Variants in RUNX1 observed in about 807,000 individuals in gnomAD.
RUNX1 encodes runt-related transcription factor 1.
A neutral mutation model predicts 42.8 loss-of-function variants in RUNX1; 19 were observed. The observed-to-expected ratio is 0.44, with a 90% CI of 0.31 to 0.65. The LOEUF (loss-of-function observed/expected upper bound fraction) is 0.65. Ranked by LOEUF, RUNX1 falls within the 30% of genes least tolerant of loss-of-function variation. The probability of loss-of-function intolerance (pLI) is 0.07; values close to 1 mark genes in which losing one functional copy is unlikely to be tolerated. For missense variants in RUNX1, 528 were observed against 672.0 expected (o/e 0.79, Z 2.37); for synonymous variants, 271 against 289.4 (o/e 0.94, Z 0.64).
chr21:34,849,346 T>C (rs868569297), intron 6 of RUNX1, among the ~76,000 whole-genome samples: 2 of 39,270 alleles, frequency 5.1e-5, no homozygotes, highest in African/African-American at 8.6e-5. Context: ...ATATATTATA[T>C]ATAGTATATA....
At chr21:34,844,364 C>T (rs2057286657) in intron 6 of RUNX1, among the ~76,000 whole-genome samples, 1 of 152,144 alleles carries the variant, frequency 6.6e-6, no homozygotes, top group Non-Finnish European at 1.5e-5. Context: ...AGAAGAAGAT[C>T]CAGGAGGCGC....
rs540255476 is a variant in RUNX1, at chr21:35,046,925, T to C, written c.58+1917A>G. On this transcript the variant is annotated intron_variant, in intron 2 of 8. Coordinates refer to ENST00000675419, the MANE Select transcript of RUNX1 (RefSeq NM_001754.5). Reference sequence around the variant, plus strand: ...TGCCTCCGTGAAAGCTAACCGACCCTTGTTCCTAACCTAGCGCAGGTCAGC... The same window carrying C: ...TGCCTCCGTGAAAGCTAACCGACCCCTGTTCCTAACCTAGCGCAGGTCAGC... 2.0e-4 allele frequency among the ~76,000 whole-genome samples: 31 copies of C among 152,236 alleles called. 1 individual carries two copies. In the South Asian group the frequency reaches 6.4e-3, roughly 32 times the overall value.
chr21:34,908,606 C>T (rs898869155), intron 2 of RUNX1, among the ~76,000 whole-genome samples: 1 of 152,134 alleles, frequency 6.6e-6, no homozygotes, highest in African/African-American at 2.4e-5. Flanking sequence ...AATCTCCATT[C>T]TTGTGAAGGC....
At position 34,789,154 on chromosome 21, in the gene RUNX1, G is replaced by A. The variant is rs2056405254; in HGVS notation, c.*2981C>T. The stretch of plus-strand genomic sequence containing the variant: ...TTCTGCTGGAAGAAACCCATAAACA[G>A]GAGAAAGGCTGACAAACCATGTTCC... On this transcript the variant is annotated 3_prime_UTR_variant, in exon 9 of 9. Coordinates refer to ENST00000675419, the MANE Select transcript of RUNX1 (RefSeq NM_001754.5). 1 of 233,230 alleles carries A rather than the reference G, an allele frequency of 4.3e-6. No homozygotes were observed. Among genetic ancestry groups the A allele is most frequent in the African/African-American group, 2.2e-5 (1 of 45,338 alleles). The allele number at this position is 233,230 out of a possible 1,614,324, so 14.4% of individuals were successfully genotyped here. A position where few individuals can be genotyped will look rare whatever the true frequency, so the allele number is the denominator to read the frequency against.
At chr21:35,035,100 C>T (rs1370608798) in intron 2 of RUNX1, among the ~76,000 whole-genome samples, 2 of 152,130 alleles carry the variant, frequency 1.3e-5, no homozygotes, top group Non-Finnish European at 2.9e-5. Flanking sequence ...TGGGAAAGTC[C>T]AGTCAAATAG....
intron 2 of RUNX1, among the ~76,000 whole-genome samples, chr21:35,043,778 C>T (rs1412436941): frequency 6.6e-6 from 1 of 152,180 alleles, no homozygotes; most frequent in Non-Finnish European, 1.5e-5. Context: ...GCCTCCTCTG[C>T]TGCCTCCAAC....
intron 7 of RUNX1, among the ~76,000 whole-genome samples, chr21:34,827,468 C>T (rs771946850): frequency 1.3e-5 from 2 of 152,112 alleles, no homozygotes; most frequent in Non-Finnish European, 2.9e-5. Context: ...CAACCATTTG[C>T]CAAAGAGATT....
chr21:34,890,078 G>A (rs1569088219), intron 3 of RUNX1, among the ~76,000 whole-genome samples: 1 of 152,126 alleles, frequency 6.6e-6, no homozygotes, highest in Non-Finnish European at 1.5e-5. Flanking sequence ...GCCGCGCAGG[G>A]ACTGTCCCCG....
At chr21:34,795,553 TCAAA>T (rs745324412) in intron 8 of RUNX1, among the ~76,000 whole-genome samples, 1 of 152,192 alleles carries the variant, frequency 6.6e-6, no homozygotes, top group Non-Finnish European at 1.5e-5. Flanking sequence ...AGTCTGACTT[TCAAA>T]CAAACACTCC....
intron 7 of RUNX1, among the ~76,000 whole-genome samples, chr21:34,803,957 G>A (rs981417990): frequency 6.6e-6 from 1 of 152,166 alleles, no homozygotes; most frequent in East Asian, 1.9e-4. Flanking sequence ...AAAATTTAAA[G>A]AGCTTGAGAG....
intron 2 of RUNX1, among the ~76,000 whole-genome samples, chr21:34,909,890 C>T (rs1339382768): frequency 1.3e-5 from 2 of 152,086 alleles, no homozygotes; most frequent in Non-Finnish European, 1.5e-5. Flanking sequence ...TTCCTCTTTC[C>T]TTTCTTCTTC....
intron 2 of RUNX1, among the ~76,000 whole-genome samples, chr21:34,905,951 C>T (rs1465553333): frequency 2.0e-5 from 3 of 152,154 alleles, no homozygotes; most frequent in African/African-American, 7.2e-5. Context: ...AGTATGTATA[C>T]CTCACATAAC....
At chr21:34,922,595 A>G (rs1031597932) in intron 2 of RUNX1, among the ~76,000 whole-genome samples, 6 of 152,186 alleles carry the variant, frequency 3.9e-5, no homozygotes, top group Admixed American at 2.6e-4. Context: ...TCTACATCAC[A>G]TGGGCTGATG....
At chr21:34,800,634 C>T (rs2056595078) in intron 7 of RUNX1, among the ~76,000 whole-genome samples, 1 of 152,194 alleles carries the variant, frequency 6.6e-6, no homozygotes, top group Non-Finnish European at 1.5e-5. Context: ...CCTCCAGGGG[C>T]TTTTCATTTC....
At chr21:34,928,904 T>A (rs1422028341) in intron 2 of RUNX1, among the ~76,000 whole-genome samples, 2 of 149,732 alleles carry the variant, frequency 1.3e-5, no homozygotes, top group Non-Finnish European at 3.0e-5. Flanking sequence ...CAGTGTTAAG[T>A]TTCGGGGCTC....
chr21:34,886,075 C>T (rs1362190387), intron 4 of RUNX1, among the ~76,000 whole-genome samples: 2 of 152,208 alleles, frequency 1.3e-5, no homozygotes, highest in African/African-American at 4.8e-5. Flanking sequence ...TCCGGCTACG[C>T]GCCGCCCCCT....
chr21:34,996,850 T>C (rs1467035911), intron 2 of RUNX1, among the ~76,000 whole-genome samples: 4 of 152,038 alleles, frequency 2.6e-5, no homozygotes, highest in African/African-American at 2.4e-5. Flanking sequence ...AATACACACA[T>C]ACACAGCAAA....
At chr21:34,997,946 A>AT (rs1273882014) in intron 2 of RUNX1, among the ~76,000 whole-genome samples, 9 of 152,182 alleles carry the variant, frequency 5.9e-5, no homozygotes, top group Non-Finnish European at 1.3e-4. Flanking sequence ...TGGAAGGACC[A>AT]GGACTGGGCT....
intron 5 of RUNX1, among the ~76,000 whole-genome samples, chr21:34,860,570 T>C (rs958121834): frequency 6.6e-5 from 10 of 152,158 alleles, no homozygotes; most frequent in Non-Finnish European, 1.2e-4. Flanking sequence ...CTGCTTTATT[T>C]CTCTTCTCTG....
Sources: gnomAD v4.1 joint callset for allele counts (sites outside exome capture counted in the v4.1 genomes callset) on GRCh38, gnomAD v4.1.1 for gene constraint, MANE v1.5 for transcripts, NCBI Gene and HGNC (gene_info 2026-07-23, HGNC 2026-07-21) for gene names.